Variants in NT5C2 observed in about 807,000 individuals in gnomAD.
The protein encoded by NT5C2 is cytosolic purine 5'-nucleotidase.
In NT5C2, 58 loss-of-function variants were observed where a neutral mutation model predicts 76.1. The ratio of observed to expected loss-of-function variants is 0.76; its 90% CI spans 0.62 to 0.95. The LOEUF (loss-of-function observed/expected upper bound fraction) is 0.95, where lower values mean the gene tolerates loss of function less well. Ranked by LOEUF, NT5C2 falls within the 40% of genes least tolerant of loss-of-function variation. The pLI is 0.00. For missense variants in NT5C2, 478 were observed against 690.3 expected, an observed-to-expected ratio of 0.69 and a Z score of 3.45; for synonymous variants, 229 against 237.4, an observed-to-expected ratio of 0.96 and a Z score of 0.32.
chr10:103,114,768 A>G (rs1369298033), intron 4 of NT5C2, among the ~76,000 whole-genome samples: 1 of 152,220 alleles, frequency 6.6e-6, no homozygotes, highest in Admixed American at 6.5e-5. Context: ...AACAGAAAAT[A>G]AAAGAACCTC....
intron 4 of NT5C2, among the ~76,000 whole-genome samples, chr10:103,129,483 C>T (rs1443310677): frequency 3.7e-5 from 4 of 109,004 alleles, no homozygotes; most frequent in African/African-American, 6.9e-5. Flanking sequence ...ATGGGGGGGT[C>T]AGCCCCCCCA....
intron 16 of NT5C2, 47 bp from the exon 17 acceptor site, chr10:103,091,043 T>C (rs570385009): frequency 1.3e-6 from 2 of 1,537,668 alleles, no homozygotes; most frequent in East Asian, 2.2e-5. Flanking sequence ...GAAGAGCTTT[T>C]TTTTATTCTT....
intron 4 of NT5C2, among the ~76,000 whole-genome samples, chr10:103,122,594 G>T (rs1413976818): frequency 6.6e-6 from 1 of 152,170 alleles, no homozygotes; most frequent in African/African-American, 2.4e-5. Flanking sequence ...TATGATACCT[G>T]GGCATTTGAG....
chr10:103,129,353 G>T, intron 4 of NT5C2, among the ~76,000 whole-genome samples: 1 of 117,112 alleles, frequency 8.5e-6, no homozygotes, highest in Non-Finnish European at 1.8e-5. Flanking sequence ...GAGGTGGGGG[G>T]GTCAGCTCTC....
chr10:103,183,293 A>ATATATATATATC (rs1317846828), intron 1 of NT5C2, among the ~76,000 whole-genome samples: 1 of 109,388 alleles, frequency 9.1e-6, no homozygotes, highest in African/African-American at 3.2e-5. Flanking sequence ...ATATATATAT[A>ATATATATATATC]TCACACACTC....
chr10:103,183,318 T>C (rs2091524348), intron 1 of NT5C2, among the ~76,000 whole-genome samples: 1 of 101,460 alleles, frequency 9.9e-6, no homozygotes, highest in Non-Finnish European at 1.9e-5. Flanking sequence ...CCTCCCCTCT[T>C]TCCTGAAATT....
intron 4 of NT5C2, among the ~76,000 whole-genome samples, chr10:103,139,007 C>CAA (rs55748615): frequency 4.8e-5 from 6 of 125,170 alleles, no homozygotes; most frequent in East Asian, 4.5e-4. Flanking sequence ...AACTCCGTCT[C>CAA]AAAAAAAAAA....
intron 3 of NT5C2, among the ~76,000 whole-genome samples, chr10:103,145,505 A>AC (rs1247611946): frequency 6.6e-6 from 1 of 152,186 alleles, no homozygotes; most frequent in African/African-American, 2.4e-5. Context: ...TGCCAATGTC[A>AC]GTTTACTGTG....
intron 6 of NT5C2, among the ~76,000 whole-genome samples, chr10:103,102,858 A>T (rs772858713): frequency 2.0e-5 from 3 of 152,088 alleles, no homozygotes; most frequent in African/African-American, 7.2e-5. Flanking sequence ...CTTAAAAGAG[A>T]TTCAGCCTTG....
At chr10:103,119,353 G>A (rs1265704432) in intron 4 of NT5C2, among the ~76,000 whole-genome samples, 2 of 152,084 alleles carry the variant, frequency 1.3e-5, no homozygotes, top group African/African-American at 4.8e-5. Context: ...TGGGCAACAA[G>A]AGCAAAATTT....
intron 1 of NT5C2, among the ~76,000 whole-genome samples, chr10:103,182,560 A>C (rs1165142729): frequency 6.6e-6 from 1 of 151,718 alleles, no homozygotes; most frequent in Non-Finnish European, 1.5e-5. Context: ...ACTTGAACCC[A>C]GGAGGCAGAG....
chr10:103,099,283 C>G (rs1423970671), intron 9 of NT5C2, among the ~76,000 whole-genome samples: 1 of 152,150 alleles, frequency 6.6e-6, no homozygotes, highest in East Asian at 1.9e-4. Flanking sequence ...TCATGTTGCC[C>G]AGGCTAGTCT....
intron 1 of NT5C2, among the ~76,000 whole-genome samples, chr10:103,181,844 A>C (rs978337103): frequency 1.3e-5 from 2 of 151,736 alleles, no homozygotes; most frequent in Admixed American, 1.3e-4. Context: ...GTCTCTACTA[A>C]AAACGGAAAA....
At chr10:103,138,978 G>A (rs2136270362) in intron 4 of NT5C2, among the ~76,000 whole-genome samples, 1 of 151,910 alleles carries the variant, frequency 6.6e-6, no homozygotes, top group Admixed American at 6.6e-5. Flanking sequence ...TTGCACTCCA[G>A]CCTGGAGGAC....
In NT5C2 at chr10:103,138,863, CG is replaced by C. The variant is rs547960671; in HGVS notation, c.175+542del. On this transcript the variant is annotated intron_variant, in intron 4 of 18. Transcript: ENST00000404739. ...CTCTACTAAAAATACAAAAATTAGC[CG>C]GGTGTGGTGGTGCATGCCTGTAATC... Among the ~76,000 whole-genome samples the C allele has an allele frequency of 3.6e-3, 549 of 152,104 alleles. 4 individuals are homozygous for C. The highest frequency in any genetic ancestry group is 0.013 in the African/African-American group (536 of 41,504).
intron 6 of NT5C2, 23 bp from the exon 7 acceptor site, chr10:103,101,349 AACTG>A: frequency 3.8e-6 from 5 of 1,315,814 alleles, no homozygotes; most frequent in Non-Finnish European, 5.4e-6. Context: ...TTTAAAAATT[AACTG>A]ATTTTTAAAA....
intron 6 of NT5C2, chr10:103,105,451 G>A: frequency 1.5e-6 from 1 of 651,944 alleles, no homozygotes; most frequent in South Asian, 2.7e-5. Flanking sequence ...GTTCTTCTGG[G>A]CAAGTTTTAA....
intron 2 of NT5C2, among the ~76,000 whole-genome samples, chr10:103,179,644 G>A (rs1205181552): frequency 1.3e-5 from 2 of 152,144 alleles, no homozygotes; most frequent in East Asian, 3.9e-4. Flanking sequence ...TGAGGCTGCA[G>A]TGAGCTATAA....
intron 3 of NT5C2, among the ~76,000 whole-genome samples, chr10:103,173,540 C>G (rs1807397439): frequency 6.7e-6 from 1 of 149,950 alleles, no homozygotes; most frequent in Non-Finnish European, 1.5e-5. Flanking sequence ...TGGCGTGGAC[C>G]CGGGAGACGG....
Sources: allele counts gnomAD v4.1 joint callset (sites outside exome capture counted in the v4.1 genomes callset), GRCh38; gene constraint gnomAD v4.1.1; transcripts MANE v1.5; gene names NCBI Gene and HGNC (gene_info 2026-07-23, HGNC 2026-07-21).